The following NALCN variants were observed in gnomAD, a reference collection of about 807,000 sequenced individuals.
The protein encoded by NALCN is sodium leak channel NALCN.
NALCN carries 111 observed loss-of-function variants against 225.3 expected under a neutral mutation model. The ratio of observed to expected loss-of-function variants is 0.49; its 90% CI spans 0.42 to 0.58. The LOEUF is 0.58. Ranked by LOEUF, NALCN falls within the 20% of genes least tolerant of loss-of-function variation. NALCN has a pLI of 0.00. For synonymous variants in NALCN, 764 were observed against 769.0 expected, an observed-to-expected ratio of 0.99 and a Z score of 0.11; for missense variants, 1,378 against 2,202.4, an observed-to-expected ratio of 0.63 and a Z score of 7.49.
chr13:101,254,694 A>G lies in NALCN; in HGVS notation c.1266+3749T>C, dbSNP rs1481771306. Among the ~76,000 whole-genome samples, 4 of 76,140 alleles carry G rather than the reference A, an allele frequency of 5.3e-5. 1 individual carries two copies. The highest frequency in any genetic ancestry group is 1.4e-4 in the Non-Finnish European group (4 of 27,758). 50.0% of individuals were successfully genotyped at this position (76,140 alleles called of 152,430 possible). On this transcript the variant is annotated intron_variant, in intron 11 of 43. Coordinates refer to ENST00000251127, the MANE Select transcript of NALCN (RefSeq NM_052867.4). ...ATCACGAGGTCAGGAGATCGAGACCATCCCGGCTAAAACGGTGAAACCCCG... is the reference window on the plus strand; with the variant it reads ...ATCACGAGGTCAGGAGATCGAGACCGTCCCGGCTAAAACGGTGAAACCCCG...
chr13:101,126,253 T>G (rs1239633334), intron 17 of NALCN, among the ~76,000 whole-genome samples: 1 of 152,226 alleles, frequency 6.6e-6, no homozygotes, highest in African/African-American at 2.4e-5. Flanking sequence ...AACATACTGG[T>G]GATTTCCCCC....
chr13:101,083,229 T>G lies in NALCN; in HGVS notation c.3584-31A>C, dbSNP rs778427238. ...AAAGAAAGGTTTGGGCAAGGGCATT[T>G]TAGACACAGGTCACATTTACTTTCT... On this transcript the variant is annotated intron_variant, in intron 31 of 43. Transcript: ENST00000251127. 4.5e-6 allele frequency: 7 copies of G among 1,546,918 alleles called. No individual in the cohort carries two copies. The East Asian group carries it at 6.7e-5, about 15-fold the overall frequency.
Position 101,081,293 on chromosome 13 carries a change from C to A in NALCN, c.3885+234G>T, listed in dbSNP as rs145498408. Among the ~76,000 whole-genome samples, 87 of 152,236 alleles carry A rather than the reference C, an allele frequency of 5.7e-4. 1 individual carries two copies. In the East Asian group the frequency reaches 0.015, roughly 26 times the overall value. ...TGAAGGTCCTTCTCTTTCTAGCTTGCATCGTCTAGGTCTTTGAGGGGCCAG... is the reference window on the plus strand; with the variant it reads ...TGAAGGTCCTTCTCTTTCTAGCTTGAATCGTCTAGGTCTTTGAGGGGCCAG... On this transcript the variant is annotated intron_variant, in intron 34 of 43. Transcript: ENST00000251127.
intron 10 of NALCN, among the ~76,000 whole-genome samples, chr13:101,260,491 T>C (rs1225858332): frequency 1.3e-5 from 2 of 152,192 alleles, no homozygotes; most frequent in African/African-American, 4.8e-5. Flanking sequence ...CCACCAACAG[T>C]GTAGAAGGGT....
chr13:101,080,440 A>T (rs1163363711), intron 34 of NALCN, among the ~76,000 whole-genome samples: 1 of 150,798 alleles, frequency 6.6e-6, no homozygotes, highest in African/African-American at 2.4e-5. Context: ...TACTTTGGAT[A>T]TAGTTTAGAA....
intron 1 of NALCN, among the ~76,000 whole-genome samples, chr13:101,412,454 T>C (rs1414303): frequency 0.082 from 12,460 of 152,216 alleles, 1,697 homozygotes; most frequent in African/African-American, 0.28. Flanking sequence ...TGCGGAGGCC[T>C]ACCCCTGCCC....
intron 6 of NALCN, among the ~76,000 whole-genome samples, chr13:101,372,881 T>C (rs1265271953): frequency 2.0e-5 from 3 of 151,902 alleles, no homozygotes; most frequent in African/African-American, 7.2e-5. Context: ...GAACATTAAA[T>C]AGGGCAAAGA....
chr13:101,288,941 T>C (rs966413024), intron 9 of NALCN, among the ~76,000 whole-genome samples: 3 of 152,194 alleles, frequency 2.0e-5, no homozygotes, highest in African/African-American at 4.8e-5. Flanking sequence ...ATAACAGGTA[T>C]CTGAAGTAAA....
intron 3 of NALCN, among the ~76,000 whole-genome samples, chr13:101,392,640 C>T (rs1334114541): frequency 6.6e-6 from 1 of 151,878 alleles, no homozygotes; most frequent in Non-Finnish European, 1.5e-5. Context: ...AAAATTTTAC[C>T]GGCAGTGTTA....
At chr13:101,376,591 G>C in intron 6 of NALCN, 109 bp downstream of exon 6, 1 of 1,055,034 alleles carries the variant, frequency 9.5e-7, no homozygotes, top group Non-Finnish European at 1.4e-6. Flanking sequence ...AGAACAAAGA[G>C]GACATAAGCA....
At chr13:101,284,179 A>G (rs2043262103) in intron 9 of NALCN, among the ~76,000 whole-genome samples, 160 bp from the exon 10 acceptor site, 1 of 152,220 alleles carries the variant, frequency 6.6e-6, no homozygotes, top group Non-Finnish European at 1.5e-5. Flanking sequence ...TTAACATTGA[A>G]AGCTTAAATG....
At chr13:101,065,326 A>T in intron 40 of NALCN, 78 bp downstream of exon 40, 1 of 1,472,982 alleles carries the variant, frequency 6.8e-7, no homozygotes, top group Non-Finnish European at 9.3e-7. Context: ...ACACTTGTTA[A>T]TTGTACTGCA....
intron 1 of NALCN, among the ~76,000 whole-genome samples, chr13:101,404,021 G>A (rs139357813): frequency 6.6e-6 from 1 of 152,258 alleles, no homozygotes; most frequent in East Asian, 1.9e-4. Context: ...TTTGTTAAGT[G>A]ACGTGGATTT....
rs1248652559 is a variant in NALCN, at chr13:101,360,063, TTC to T, written c.645-14645_645-14644del. ...TCTCAGTTTTTCTTTTTCTCTTTCT[TTC>T]TTTTTCTTTCTTTCTTTCTCTTTCT... On this transcript the variant is annotated intron_variant, in intron 6 of 43. Coordinates refer to ENST00000251127, the MANE Select transcript of NALCN (RefSeq NM_052867.4). 4.9e-5 allele frequency among the ~76,000 whole-genome samples: 7 copies of T among 142,374 alleles called. No individual in the cohort carries two copies. The East Asian group carries it at 1.0e-3, about 20-fold the overall frequency. 93.4% of individuals were successfully genotyped at this position (142,374 alleles called of 152,430 possible).
At chr13:101,192,575 C>T (rs921148318) in intron 13 of NALCN, among the ~76,000 whole-genome samples, 6 of 151,966 alleles carry the variant, frequency 3.9e-5, no homozygotes, top group African/African-American at 1.5e-4. Context: ...GATATTGCCA[C>T]ACTGGACAGC....
chr13:101,358,009 TA>T (rs1432164441), intron 6 of NALCN, among the ~76,000 whole-genome samples: 1 of 152,170 alleles, frequency 6.6e-6, no homozygotes, highest in Non-Finnish European at 1.5e-5. Context: ...CTGGACCCCT[TA>T]TACCTTAGAC....
intron 12 of NALCN, among the ~76,000 whole-genome samples, chr13:101,233,791 A>C (rs1032762371): frequency 6.6e-6 from 1 of 152,176 alleles, no homozygotes; most frequent in African/African-American, 2.4e-5. Context: ...TGCCCGACCC[A>C]CAGGAAATTC....
chr13:101,084,364 AATTAT>A (rs1190856609), intron 30 of NALCN, among the ~76,000 whole-genome samples: 2 of 152,190 alleles, frequency 1.3e-5, no homozygotes, highest in Admixed American at 6.5e-5. Flanking sequence ...ATATGATTAA[AATTAT>A]ATTATATTGT....
At chr13:101,280,349 T>G (rs1022154012) in intron 10 of NALCN, among the ~76,000 whole-genome samples, 1 of 152,150 alleles carries the variant, frequency 6.6e-6, no homozygotes, top group Non-Finnish European at 1.5e-5. Flanking sequence ...ATAACACATA[T>G]CTCATATAGG....
Sources: gnomAD v4.1 joint callset for allele counts (sites outside exome capture counted in the v4.1 genomes callset) on GRCh38, gnomAD v4.1.1 for gene constraint, MANE v1.5 for transcripts, NCBI Gene and HGNC (gene_info 2026-07-23, HGNC 2026-07-21) for gene names.